Variants in IMMP2L observed in about 807,000 individuals in gnomAD.
IMMP2L encodes mitochondrial inner membrane protease subunit 2.
IMMP2L carries 18 observed loss-of-function variants against 19.3 expected under a neutral mutation model. The observed-to-expected ratio is 0.93, with a 90% CI of 0.64 to 1.38. The LOEUF is 1.38. Ranked by LOEUF, IMMP2L falls within the 40% of genes most tolerant of loss-of-function variation. IMMP2L has a pLI of 0.00. For synonymous variants in IMMP2L, 76 were observed against 73.0 expected (o/e 1.04, Z -0.21); for missense variants, 233 against 218.2 (o/e 1.07, Z -0.43).
chr7:110,697,060 GA>G (rs1793944721), intron 5 of IMMP2L, among the ~76,000 whole-genome samples: 1 of 152,106 alleles, frequency 6.6e-6, no homozygotes, highest in Non-Finnish European at 1.5e-5. Context: ...GAAATGAAGA[GA>G]AATCAACCAG....
chr7:111,464,423 C>T (rs1840421150), intron 3 of IMMP2L, among the ~76,000 whole-genome samples: 1 of 152,204 alleles, frequency 6.6e-6, no homozygotes, highest in Admixed American at 6.5e-5. Context: ...CTGAATATTA[C>T]AGTGAGCTAT....
chr7:111,309,374 A>C (rs1331012632), intron 3 of IMMP2L, among the ~76,000 whole-genome samples: 5 of 152,178 alleles, frequency 3.3e-5, no homozygotes, highest in Non-Finnish European at 7.4e-5. Flanking sequence ...TGAGTATTAT[A>C]AGTAAATGAG....
chr7:111,030,387 A>C (rs1648988277), intron 3 of IMMP2L, among the ~76,000 whole-genome samples: 1 of 152,196 alleles, frequency 6.6e-6, no homozygotes, highest in South Asian at 2.1e-4. Flanking sequence ...TTAATGTGAA[A>C]ACATATGATC....
intron 3 of IMMP2L, among the ~76,000 whole-genome samples, chr7:111,118,128 T>G (rs1800117465): frequency 2.0e-5 from 3 of 152,120 alleles, no homozygotes; most frequent in Admixed American, 1.3e-4. Flanking sequence ...ACATTTTTAT[T>G]GTAAATCAAA....
chr7:111,484,164 G>C (rs141377238), intron 3 of IMMP2L, among the ~76,000 whole-genome samples: 1 of 152,202 alleles, frequency 6.6e-6, no homozygotes, highest in Non-Finnish European at 1.5e-5. Flanking sequence ...CACCTTTTAT[G>C]TTTTAAGTAA....
rs765420819 is a variant in IMMP2L at position 110,886,699 on chromosome 7, G to C, written c.306-4C>G. 6.9e-7 allele frequency: 1 copy of C among 1,454,558 alleles called. No individual in the cohort carries two copies. The highest frequency in any genetic ancestry group is 1.1e-5 in the South Asian group (1 of 87,516). 90.1% of individuals were successfully genotyped at this position (1,454,558 alleles called of 1,614,324 possible). On this transcript the variant is annotated splice_polypyrimidine_tract_variant and splice_region_variant and intron_variant, in intron 4 of 5. Transcript: ENST00000405709. ...CCGGTTTTTGTGTCCTATGGTTCTG[G>C]AAATAAACAGTGTAACCACTGAGAT... is the stretch of plus-strand genomic sequence containing the variant.
intron 3 of IMMP2L, among the ~76,000 whole-genome samples, chr7:111,175,040 G>C (rs1051106109): frequency 6.6e-6 from 1 of 151,790 alleles, no homozygotes; most frequent in East Asian, 1.9e-4. Flanking sequence ...AACTGAAAAT[G>C]ATTTCTTTTG....
intron 3 of IMMP2L, among the ~76,000 whole-genome samples, chr7:111,206,600 CAT>C (rs1293665395): frequency 6.6e-6 from 1 of 151,906 alleles, no homozygotes; most frequent in Non-Finnish European, 1.5e-5. Flanking sequence ...AAAATAATAA[CAT>C]AAGGATAAAT....
intron 3 of IMMP2L, among the ~76,000 whole-genome samples, chr7:110,986,465 TA>T (rs1030461727): frequency 4.6e-5 from 7 of 152,268 alleles, no homozygotes; most frequent in African/African-American, 1.7e-4. Flanking sequence ...GGAAAAATCT[TA>T]AAGATATGAA....
intron 3 of IMMP2L, among the ~76,000 whole-genome samples, chr7:111,435,297 G>A (rs963580730): frequency 1.3e-5 from 2 of 151,758 alleles, no homozygotes; most frequent in African/African-American, 4.9e-5. Context: ...TCCATCAATG[G>A]AGGATTTCAT....
intron 3 of IMMP2L, among the ~76,000 whole-genome samples, chr7:110,992,700 C>T (rs1395529763): frequency 6.6e-6 from 1 of 151,926 alleles, no homozygotes; most frequent in Admixed American, 6.6e-5. Context: ...TCAGATCACT[C>T]AAGCATTTGT....
At chr7:111,078,246 A>T (rs1795578558) in intron 3 of IMMP2L, among the ~76,000 whole-genome samples, 1 of 152,208 alleles carries the variant, frequency 6.6e-6, no homozygotes, top group Non-Finnish European at 1.5e-5. Flanking sequence ...GGAATGAATG[A>T]AAAAATAAAT....
chr7:110,691,053 T>C (rs1793465558), intron 5 of IMMP2L, among the ~76,000 whole-genome samples: 1 of 152,054 alleles, frequency 6.6e-6, no homozygotes, highest in African/African-American at 2.4e-5. Context: ...AGGCATCACA[T>C]TACCCAACTT....
chr7:111,261,234 T>C (rs912168646), intron 3 of IMMP2L, among the ~76,000 whole-genome samples: 10 of 152,088 alleles, frequency 6.6e-5, no homozygotes, highest in African/African-American at 2.4e-4. Context: ...ATAGTTTAGC[T>C]CTCTGAGGTA....
At chr7:111,427,810 T>C (rs1044791960) in intron 3 of IMMP2L, among the ~76,000 whole-genome samples, 9 of 151,838 alleles carry the variant, frequency 5.9e-5, no homozygotes, top group African/African-American at 2.2e-4. Context: ...AATTTTAAAA[T>C]AGTTACATCT....
In IMMP2L at chr7:110,802,457, G is replaced by A. The variant is rs190524042; in HGVS notation, c.408+84136C>T. On this transcript the variant is annotated intron_variant, in intron 5 of 5. Transcript: ENST00000405709. The stretch of plus-strand genomic sequence containing the variant: ...TGTTAGGTGGCATTTTTTTGTTTAC[G>A]TCAAATTAATATCCTATACCATTAT... Among the ~76,000 whole-genome samples, 17 of 150,500 alleles carry A rather than the reference G, an allele frequency of 1.1e-4. No homozygotes were observed. In the East Asian group the frequency reaches 1.4e-3, roughly 12 times the overall value.
At chr7:111,265,112 T>C (rs1817695772) in intron 3 of IMMP2L, among the ~76,000 whole-genome samples, 1 of 152,170 alleles carries the variant, frequency 6.6e-6, no homozygotes, top group Non-Finnish European at 1.5e-5. Context: ...ATAGACAACA[T>C]TTCTAAAATG....
chr7:110,729,458 T>C (rs1170491450), intron 5 of IMMP2L, among the ~76,000 whole-genome samples: 1 of 152,154 alleles, frequency 6.6e-6, no homozygotes, highest in Non-Finnish European at 1.5e-5. Context: ...ACTGCCCCCA[T>C]AATTCAGTCA....
chr7:110,966,586 C>A (rs1187329012), intron 3 of IMMP2L, among the ~76,000 whole-genome samples: 2 of 151,808 alleles, frequency 1.3e-5, no homozygotes, highest in South Asian at 2.1e-4. Flanking sequence ...GATCCTGAGG[C>A]AAAATAGAGT....
Sources: allele counts gnomAD v4.1 joint callset (sites outside exome capture counted in the v4.1 genomes callset), GRCh38; gene constraint gnomAD v4.1.1; transcripts MANE v1.5; gene names NCBI Gene and HGNC (gene_info 2026-07-23, HGNC 2026-07-21).